CC2D2A: variants seen among roughly 807,000 people sequenced by gnomAD.
The protein encoded by CC2D2A is coiled-coil and C2 domain containing 2A, also known as coiled-coil and C2 domain-containing protein 2A.
CC2D2A carries 155 observed loss-of-function variants against 212.9 expected under a neutral mutation model. That is an observed-to-expected ratio of 0.73 (90% CI 0.64 to 0.83). The LOEUF (loss-of-function observed/expected upper bound fraction) is 0.83. Ranked by LOEUF, CC2D2A falls within the 40% of genes least tolerant of loss-of-function variation. The pLI is 0.00. For missense variants in CC2D2A, 1,856 were observed against 1,956.2 expected (o/e 0.95, Z 0.97); for synonymous variants, 667 against 686.5 (o/e 0.97, Z 0.44).
rs1280945810 is a variant in CC2D2A at position 15,510,141 on chromosome 4, A to G, written c.441A>G (p.Pro147=). The G allele has an allele frequency of 1.2e-6, 2 of 1,610,704 alleles. No homozygotes were observed. Among genetic ancestry groups the G allele is most frequent in the East Asian group, 4.5e-5 (2 of 44,844 alleles). Residue 147 remains proline, a splice_region_variant and synonymous_variant, in exon 7 of 37, where the codon CCA becomes CCG. Coordinates refer to ENST00000424120, the MANE Select transcript of CC2D2A (RefSeq NM_001378615.1). ...KELETEFGTE[P]GKEVERTQQE... is the part of the protein sequence containing the mutation. ...ATCATTTTTTTCCACTCATATAGCC[A>G]GGGAAAGAGGTAGAAAGGACTCAAC...
intron 6 of CC2D2A, among the ~76,000 whole-genome samples, chr4:15,508,987 AT>A (rs1311616381): frequency 6.6e-6 from 1 of 152,154 alleles, no homozygotes; most frequent in East Asian, 1.9e-4. Flanking sequence ...AAAGGGGTGG[AT>A]TAGAAGGAGA....
chr4:15,538,239 T>A, intron 16 of CC2D2A, 102 bp downstream of exon 16: 2 of 1,225,964 alleles, frequency 1.6e-6, no homozygotes, highest in Non-Finnish European at 2.2e-6. Context: ...GTACACTTAC[T>A]GACCTACACG....
intron 1 of CC2D2A, among the ~76,000 whole-genome samples, chr4:15,473,855 G>T (rs989217022): frequency 3.3e-5 from 5 of 152,178 alleles, no homozygotes; most frequent in African/African-American, 1.2e-4. Context: ...CAACTGCAAG[G>T]TTTCTGGCCT....
At chr4:15,589,894 C>T (rs1333649018) in intron 33 of CC2D2A, among the ~76,000 whole-genome samples, 2 of 151,806 alleles carry the variant, frequency 1.3e-5, no homozygotes, top group East Asian at 3.9e-4. Flanking sequence ...AGTCACCTGA[C>T]CTGCCCGAGA....
chr4:15,578,062 C>G (rs754176204), intron 29 of CC2D2A, among the ~76,000 whole-genome samples: 1 of 152,208 alleles, frequency 6.6e-6, no homozygotes, highest in Non-Finnish European at 1.5e-5. Flanking sequence ...ATTACAATTA[C>G]TCCTGGACTG....
rs1156429468 is a variant in CC2D2A at position 15,550,951 on chromosome 4, T to G, written c.2309T>G (p.Val770Gly). The G allele has an allele frequency of 5.0e-6, 8 of 1,603,908 alleles. No homozygotes were observed. In the South Asian group the frequency reaches 8.9e-5, roughly 18 times the overall value. Residue 770 changes from valine to glycine, a missense_variant, in exon 18 of 37, where the codon GTG becomes GGG. Coordinates refer to ENST00000424120, the MANE Select transcript of CC2D2A (RefSeq NM_001378615.1). ...EEVEFSSNQH[V>G]TLDHEGVGSG... is the part of the protein sequence containing the mutation. ...GTGGAGTTTAGCAGTAATCAGCATG[T>G]GACACTGGACCACGAGGGAGTTGGA... is the stretch of plus-strand genomic sequence containing the variant.
Position 15,528,669 on chromosome 4 carries a change from C to G in CC2D2A, c.1409C>G (p.Pro470Arg), listed in dbSNP as rs370978967. 1.9e-6 allele frequency: 3 copies of G among 1,613,696 alleles called. No individual in the cohort carries two copies. The African/African-American group carries it at 4.0e-5, about 22-fold the overall frequency. ...AVQTGLDPEKPHQSLDTIQKT... is the reference protein window; with the variant it reads ...AVQTGLDPEKRHQSLDTIQKT... ...CAGACTGGCCTTGATCCAGAAAAAC[C>G]TCATCAGTCTCTCGATACCATCCAA... Residue 470 changes from proline to arginine, a missense_variant, in exon 13 of 37, where the codon CCT becomes CGT. Coordinates refer to ENST00000424120, the MANE Select transcript of CC2D2A (RefSeq NM_001378615.1).
chr4:15,601,446 G>A lies in CC2D2A; in HGVS notation c.*21G>A. On this transcript the variant is annotated 3_prime_UTR_variant, in exon 37 of 37. Transcript: ENST00000424120. ...GGTAATTTTTTTCACTGTACTTTCT[G>A]TATCATGTAAAAACTACACTTAGGA... 7.1e-7 allele frequency: 1 copy of A among 1,400,392 alleles called. No homozygotes were observed. The highest frequency in any genetic ancestry group is 9.4e-7 in the Non-Finnish European group (1 of 1,061,774). 86.7% of individuals were successfully genotyped at this position (1,400,392 alleles called of 1,614,324 possible).
chr4:15,498,266 C>A (rs1192945318), intron 4 of CC2D2A, among the ~76,000 whole-genome samples: 1 of 152,208 alleles, frequency 6.6e-6, no homozygotes, highest in African/African-American at 2.4e-5. Flanking sequence ...AAGAAATCCA[C>A]ATTTCATGCT....
In CC2D2A at chr4:15,587,864, T is replaced by TTG; in HGVS notation, c.4118_4119dup (p.Asn1374ValfsTer14). On this transcript the variant is annotated frameshift_variant, in exon 32 of 37. Transcript: ENST00000424120. LOFTEE classifies it high-confidence loss of function. ...GGATGAAGAAGAACATGCAGTACTATTGTGTAATTACTTTCTGTCTCTGGG... is the reference window on the plus strand; with the variant it reads ...GGATGAAGAAGAACATGCAGTACTATTGTGTGTAATTACTTTCTGTCTCTGGG... The TTG allele has an allele frequency of 6.2e-7, 1 of 1,613,556 alleles. No individual in the cohort carries two copies. The highest frequency in any genetic ancestry group is 8.5e-7 in the Non-Finnish European group (1 of 1,179,532).
At chr4:15,599,740 A>G (rs1721497378) in intron 36 of CC2D2A, 34 bp downstream of exon 36, 2 of 1,510,760 alleles carry the variant, frequency 1.3e-6, no homozygotes, top group Admixed American at 1.9e-5. Flanking sequence ...CTGACTGTGG[A>G]TTTCCTTGTT....
chr4:15,470,683 CTCTCTCTATATATATATATATATA>C (rs1442432415), intron 1 of CC2D2A, among the ~76,000 whole-genome samples: 1,361 of 53,990 alleles, frequency 0.025, 5 homozygotes, highest in Admixed American at 0.041. Context: ...CTCTCTCTCT[CTCTCTCTATATATATATATATATA>C]TATATATATA....
chr4:15,589,175 CA>C (rs1440695562), intron 32 of CC2D2A, among the ~76,000 whole-genome samples: 1 of 151,874 alleles, frequency 6.6e-6, no homozygotes, highest in Non-Finnish European at 1.5e-5. Context: ...TATTTCTATT[CA>C]AACATAATCA....
At chr4:15,569,207 G>C in intron 26 of CC2D2A, 86 bp from the exon 27 acceptor site, 2 of 712,076 alleles carry the variant, frequency 2.8e-6, no homozygotes, top group South Asian at 1.7e-5. Context: ...GCTCATATTT[G>C]GGTATTTTTC....
intron 3 of CC2D2A, 52 bp downstream of exon 3, chr4:15,478,858 G>T: frequency 7.2e-7 from 1 of 1,384,782 alleles, no homozygotes; most frequent in Non-Finnish European, 1.0e-6. Context: ...TCAACAACCC[G>T]CCTGCATCCC....
chr4:15,592,623 C>T (rs1721160122), intron 33 of CC2D2A, among the ~76,000 whole-genome samples: 1 of 152,164 alleles, frequency 6.6e-6, no homozygotes, highest in East Asian at 1.9e-4. Flanking sequence ...TCTTATGTTT[C>T]TTTCAATGGC....
rs6827938 is a variant in CC2D2A at position 15,534,830 on chromosome 4, C to T, written c.1607+1497C>T. ...TCTTTGAGACTAGGGACCCTGTTGT[C>T]GTTGTATATCTGGTCCCTACCAGAG... On this transcript the variant is annotated intron_variant, in intron 14 of 36. Coordinates refer to ENST00000424120, the MANE Select transcript of CC2D2A (RefSeq NM_001378615.1). 3.2e-3 allele frequency among the ~76,000 whole-genome samples: 481 copies of T among 151,914 alleles called. 3 individuals are homozygous for T. Among genetic ancestry groups the T allele is most frequent in the African/African-American group, 0.011 (453 of 41,400 alleles).
Position 15,569,318 on chromosome 4 carries a change from G to C in CC2D2A, c.3424G>C (p.Ala1142Pro), listed in dbSNP as rs1277091809. 7 of 1,581,574 alleles carry C rather than the reference G, an allele frequency of 4.4e-6. No individual in the cohort carries two copies. Among genetic ancestry groups the C allele is most frequent in the Non-Finnish European group, 5.2e-6 (6 of 1,161,996 alleles). Reference sequence around the variant, plus strand: ...GGCTCCTAATGGAGATTATAGCACAGCCAGTCTGCAGTCAGTGAAAGATGT... The same window carrying C: ...GGCTCCTAATGGAGATTATAGCACACCCAGTCTGCAGTCAGTGAAAGATGT... ...FRAPNGDYST[A>P]SLQSVKDVVF... The change falls in exon 27 of 37, where the codon GCC becomes CCC. Residue 1142 changes from alanine (A) to proline (P), a missense_variant. This residue lies in a region of CC2D2A where 1,512 missense variants were observed against 1,579.3 expected (regional missense o/e 0.96). Transcript: ENST00000424120.
chr4:15,548,800 A>T (rs967322720), intron 17 of CC2D2A, among the ~76,000 whole-genome samples: 1 of 152,208 alleles, frequency 6.6e-6, no homozygotes, highest in Non-Finnish European at 1.5e-5. Context: ...TTGTCCCATC[A>T]GAGTTGTGAA....
Sources: allele counts gnomAD v4.1 joint callset (sites outside exome capture counted in the v4.1 genomes callset), GRCh38; gene constraint gnomAD v4.1.1; regional missense constraint gnomAD v4.1.1; transcripts MANE v1.5; gene names NCBI Gene and HGNC (gene_info 2026-07-23, HGNC 2026-07-21).